HDX: variants seen among roughly 807,000 people sequenced by gnomAD.
HDX encodes the protein chromosome X open reading frame 43.
A neutral mutation model predicts 45.2 loss-of-function variants in HDX; 19 were observed. The ratio of observed to expected loss-of-function variants is 0.42; its 90% CI spans 0.29 to 0.62. The LOEUF (loss-of-function observed/expected upper bound fraction) is 0.62. Ranked by LOEUF, HDX falls within the 20% of genes least tolerant of loss-of-function variation. The pLI, the probability that HDX is intolerant of heterozygous loss-of-function variation, is 0.20. For synonymous variants in HDX, 188 were observed against 172.8 expected (o/e 1.09, Z -0.69); for missense variants, 532 against 493.9 (o/e 1.08, Z -0.73).
intron 5 of HDX, among the ~76,000 whole-genome samples, chrX:84,436,584 G>A (rs192747492): frequency 1.2e-3 from 138 of 111,246 alleles, no homozygotes; most frequent in South Asian, 3.0e-3. Flanking sequence ...CCTTTCACCC[G>A]TTAGTCATTC....
At chrX:84,411,138 G>GT (rs2038976165) in intron 5 of HDX, among the ~76,000 whole-genome samples, 1 of 111,342 alleles carries the variant, frequency 9.0e-6, no homozygotes, top group African/African-American at 3.3e-5. Flanking sequence ...ATTTTCTATA[G>GT]TTTTTCACAT....
chrX:84,410,957 G>GCT (rs201426367), intron 5 of HDX, among the ~76,000 whole-genome samples: 7 of 106,266 alleles, frequency 6.6e-5, no homozygotes, highest in African/African-American at 1.6e-4. Flanking sequence ...TATGCATAGA[G>GCT]GTGTTCATAA....
At chrX:84,447,912 C>T (rs1446466442) in intron 4 of HDX, among the ~76,000 whole-genome samples, 2 of 111,419 alleles carry the variant, frequency 1.8e-5, no homozygotes, top group Non-Finnish European at 3.8e-5. Context: ...CAGGATGCTG[C>T]CACTGAAAAC....
chrX:84,365,942 C>T (rs2037739808), intron 5 of HDX, among the ~76,000 whole-genome samples: 1 of 111,981 alleles, frequency 8.9e-6, no homozygotes, highest in Admixed American at 9.5e-5. Context: ...GATGCCCTCT[C>T]TCACCACTCC....
At chrX:84,486,136 A>AT (rs763591885) in intron 2 of HDX, among the ~76,000 whole-genome samples, 6 of 111,313 alleles carry the variant, frequency 5.4e-5, no homozygotes, top group Non-Finnish European at 9.4e-5. Context: ...CTTTTGGATT[A>AT]TCTGAATACT....
intron 4 of HDX, among the ~76,000 whole-genome samples, chrX:84,462,947 C>T (rs2040271076): frequency 9.0e-6 from 1 of 110,744 alleles, no homozygotes; most frequent in Admixed American, 9.6e-5. Flanking sequence ...TATATGACTC[C>T]ATTTATATTA....
At chrX:84,362,227 T>C (rs910974764) in intron 5 of HDX, among the ~76,000 whole-genome samples, 2 of 111,606 alleles carry the variant, frequency 1.8e-5, no homozygotes, top group African/African-American at 6.5e-5. Context: ...TTTTTGTTCT[T>C]AGGTTTTCTT....
chrX:84,494,162 A>T (rs1011091450), intron 1 of HDX, among the ~76,000 whole-genome samples: 10 of 112,254 alleles, frequency 8.9e-5, no homozygotes, highest in Non-Finnish European at 1.7e-4. Flanking sequence ...TCCATACAAA[A>T]TATATGACAG....
intron 2 of HDX, among the ~76,000 whole-genome samples, chrX:84,486,767 T>A (rs1376778877): frequency 1.8e-5 from 2 of 111,087 alleles, no homozygotes; most frequent in African/African-American, 3.3e-5. Context: ...TTTCAACATT[T>A]TTTTTTACCT....
rs1279608150 is a variant in HDX, at chrX:84,469,398, C to T, written c.325G>A (p.Gly109Ser). 1.7e-6 allele frequency: 2 copies of T among 1,207,480 alleles called. No individual in the cohort carries two copies. Among genetic ancestry groups the T allele is most frequent in the Non-Finnish European group, 2.2e-6 (2 of 893,969 alleles). The change falls in exon 4 of 11, where the codon GGT becomes AGT. Residue 109 changes from glycine to serine, a missense_variant. Physicochemically the swap from Gly to Ser is moderately conservative, Grantham distance 56 (BLOSUM62 0). Transcript: ENST00000373177. ...TSANNDVIVT[G>S]IYSPASSSSR... is the part of the protein sequence containing the mutation. ...GATGAACTGGCTGGACTGTATATACCAGTTACAATGACATCATTATTGGCA... is the reference window on the plus strand; with the variant it reads ...GATGAACTGGCTGGACTGTATATACTAGTTACAATGACATCATTATTGGCA...
intron 5 of HDX, among the ~76,000 whole-genome samples, chrX:84,438,405 A>T (rs1204812802): frequency 9.0e-6 from 1 of 110,728 alleles, no homozygotes; most frequent in African/African-American, 3.3e-5. Flanking sequence ...TATTTTTCTA[A>T]TTTCAACTCT....
At position 84,331,022 on chromosome X, in the gene HDX, A is replaced by G. The variant is rs186768685; in HGVS notation, c.1824+2737T>C. Among the ~76,000 whole-genome samples, 295 of 111,444 alleles carry G rather than the reference A, an allele frequency of 2.6e-3. 2 individuals are homozygous for G. Among genetic ancestry groups the G allele is most frequent in the African/African-American group, 9.2e-3 (284 of 30,773 alleles). ...AAAACCCTACCTACATTTTGAGTAAACTTTGTTAGTTCTTCGTCAAGATGA... is the reference window on the plus strand; with the variant it reads ...AAAACCCTACCTACATTTTGAGTAAGCTTTGTTAGTTCTTCGTCAAGATGA... On this transcript the variant is annotated intron_variant, in intron 9 of 10. Transcript: ENST00000373177.
chrX:84,372,223 G>GCT (rs2147877350), intron 5 of HDX, among the ~76,000 whole-genome samples: 1 of 111,464 alleles, frequency 9.0e-6, no homozygotes, highest in Admixed American at 9.6e-5. Flanking sequence ...TCCTTGCATA[G>GCT]CTCTCACAAT....
At chrX:84,395,296 ATACTT>A (rs910108867) in intron 5 of HDX, among the ~76,000 whole-genome samples, 13 of 109,864 alleles carry the variant, frequency 1.2e-4, no homozygotes, top group African/African-American at 4.3e-4. Flanking sequence ...TGTCTGGAAA[ATACTT>A]TACTTTTCCT....
intron 5 of HDX, among the ~76,000 whole-genome samples, chrX:84,434,796 T>A (rs2039585120): frequency 9.0e-6 from 1 of 111,671 alleles, no homozygotes; most frequent in Non-Finnish European, 1.9e-5. Flanking sequence ...AGCCATTCAA[T>A]CCTGGACTTT....
At chrX:84,458,968 T>TTTG (rs964646375) in intron 4 of HDX, among the ~76,000 whole-genome samples, 7 of 112,021 alleles carry the variant, frequency 6.2e-5, no homozygotes, top group African/African-American at 2.3e-4. Context: ...ACAAAAATGT[T>TTTG]TTGGAGTATA....
chrX:84,440,561 A>G lies in HDX; in HGVS notation c.1276T>C (p.Trp426Arg), dbSNP rs201020350. The G allele has an allele frequency of 5.9e-6, 7 of 1,180,945 alleles. No homozygotes were observed. The highest frequency in any genetic ancestry group is 6.9e-6 in the Non-Finnish European group (6 of 870,541). Residue 426 changes from tryptophan (W) to arginine (R), a missense_variant, in exon 5 of 11, where the codon TGG (tryptophan) becomes CGG (arginine). By Grantham distance (101) the Trp-to-Arg change is moderately radical (BLOSUM62 -3). Around this residue, in one of 3 missense-constraint regions of HDX, gnomAD observed 376 missense variants for 343.7 expected, o/e 1.09. Transcript: ENST00000373177. ...YQISGNLTVP[W>R]ITGCSRKRAL... ...CTTTTTCTAGAACACCCTGTAATCC[A>G]AGGCACAGTAAGGTTTCCTGAAATC... is the stretch of plus-strand genomic sequence containing the variant.
chrX:84,355,813 C>A (rs1444302004), intron 6 of HDX, among the ~76,000 whole-genome samples: 1 of 107,328 alleles, frequency 9.3e-6, no homozygotes, highest in African/African-American at 3.4e-5. Flanking sequence ...ACGCACGTAA[C>A]AAACCTGCAC....
chrX:84,414,309 C>G (rs7066940), intron 5 of HDX, among the ~76,000 whole-genome samples: 3 of 111,312 alleles, frequency 2.7e-5, no homozygotes, highest in Non-Finnish European at 3.8e-5. Flanking sequence ...CCCCAACATG[C>G]GCATTCCAGT....
Sources: gnomAD v4.1 joint callset for allele counts (sites outside exome capture counted in the v4.1 genomes callset) on GRCh38, gnomAD v4.1.1 for gene constraint, gnomAD v4.1.1 regional missense constraint, MANE v1.5 for transcripts, NCBI Gene and HGNC (gene_info 2026-07-23, HGNC 2026-07-21) for gene names.